PHEX: variants seen among roughly 807,000 people sequenced by gnomAD.
PHEX encodes the protein phosphate-regulating neutral endopeptidase PHEX.
Under a neutral mutation model 68.0 loss-of-function variants are expected in PHEX, and 16 were observed. The observed-to-expected ratio is 0.24, with a 90% confidence interval of 0.16 to 0.36. The LOEUF (loss-of-function observed/expected upper bound fraction) is 0.36. Among genes scored for constraint, PHEX ranks in the 10% least tolerant of loss-of-function variants. PHEX has a pLI of 1.00. For missense variants in PHEX, 480 were observed against 575.5 expected (o/e 0.83, Z 1.70); for synonymous variants, 208 against 205.1 (o/e 1.01, Z -0.12).
At chrX:22,164,319 GGAA>G (rs562787494) in intron 12 of PHEX, among the ~76,000 whole-genome samples, 4 of 111,993 alleles carry the variant, frequency 3.6e-5, no homozygotes, top group African/African-American at 1.3e-4. Flanking sequence ...GCATATTTTA[GGAA>G]GAAGAACACT....
intron 12 of PHEX, among the ~76,000 whole-genome samples, chrX:22,161,717 C>T (rs1372504270): frequency 8.9e-6 from 1 of 111,740 alleles, no homozygotes; most frequent in African/African-American, 3.3e-5. Context: ...CTCTCAGCTA[C>T]AAAACCTCTC....
chrX:22,081,679 G>A (rs1405041222), intron 5 of PHEX, among the ~76,000 whole-genome samples: 2 of 110,995 alleles, frequency 1.8e-5, no homozygotes, highest in Non-Finnish European at 3.8e-5. Flanking sequence ...GGCCAGCAGG[G>A]GTCGCTCTAA....
At chrX:22,157,502 A>T (rs905783035) in intron 12 of PHEX, among the ~76,000 whole-genome samples, 17 of 112,579 alleles carry the variant, frequency 1.5e-4, no homozygotes, top group African/African-American at 5.5e-4. Flanking sequence ...GAAAACTCAA[A>T]TATTACTTTC....
At chrX:22,064,288 TC>T (rs202035342) in intron 3 of PHEX, among the ~76,000 whole-genome samples, 4,700 of 111,045 alleles carry the variant, frequency 0.042, 261 homozygotes, top group African/African-American at 0.14. Context: ...TCTGAACCTC[TC>T]CCCTCTTCCC....
At chrX:22,224,947 A>AATTATCATACAGCTCTGTATGATTT (rs1935400053) in intron 18 of PHEX, among the ~76,000 whole-genome samples, 5 of 23,245 alleles carry the variant, frequency 2.2e-4, no homozygotes, top group African/African-American at 3.4e-4. Flanking sequence ...AAATAACATA[A>AATTATCATACAGCTCTGTATGATTT]ATTATCATAC....
At chrX:22,094,674 T>G (rs1290105273) in intron 7 of PHEX, among the ~76,000 whole-genome samples, 1 of 112,284 alleles carries the variant, frequency 8.9e-6, no homozygotes, top group Non-Finnish European at 1.9e-5. Flanking sequence ...CTGTTTTTCA[T>G]TATTTTCTTG....
At chrX:22,122,613 A>G (rs1254395213) in intron 11 of PHEX, among the ~76,000 whole-genome samples, 1 of 111,918 alleles carries the variant, frequency 8.9e-6, no homozygotes, top group Non-Finnish European at 1.9e-5. Context: ...GTAACAATCA[A>G]TCACAAAGCC....
chrX:22,040,748 G>T (rs1169574109), intron 2 of PHEX, among the ~76,000 whole-genome samples: 2 of 110,662 alleles, frequency 1.8e-5, no homozygotes, highest in Non-Finnish European at 3.8e-5. Flanking sequence ...AAGTGATGAG[G>T]AGTCAATGGG....
rs182362879 is a variant in PHEX, at chrX:22,136,982, C to T, written c.1404+3358C>T. Among the ~76,000 whole-genome samples the T allele has an allele frequency of 1.5e-4, 17 of 112,252 alleles. No individual in the cohort carries two copies. The East Asian group carries it at 3.6e-3, about 24-fold the overall frequency. ...TTTAGGATTCTCTGTTCCCTGCAAG[C>T]ATGTGCTCTTATTGTAAATAAGCAG... is the stretch of plus-strand genomic sequence containing the variant. On this transcript the variant is annotated intron_variant, in intron 12 of 21. Coordinates refer to ENST00000379374, the MANE Select transcript of PHEX (RefSeq NM_000444.6).
At chrX:22,141,772 A>G (rs1932474060) in intron 12 of PHEX, among the ~76,000 whole-genome samples, 1 of 112,369 alleles carries the variant, frequency 8.9e-6, no homozygotes, top group Admixed American at 9.5e-5. Context: ...GACAAAAAAA[A>G]GTTCTAGTTC....
intron 2 of PHEX, among the ~76,000 whole-genome samples, chrX:22,039,561 T>C (rs753947189): frequency 2.6e-4 from 29 of 112,173 alleles, no homozygotes; most frequent in Non-Finnish European, 5.1e-4. Flanking sequence ...GTGCAACTTA[T>C]GTTGAAAGTG....
At chrX:22,065,501 C>T (rs1469613417) in intron 3 of PHEX, among the ~76,000 whole-genome samples, 1 of 111,341 alleles carries the variant, frequency 9.0e-6, no homozygotes, top group Non-Finnish European at 1.9e-5. Context: ...TCTCGGCTCA[C>T]TGCAAGCTCC....
At chrX:22,118,249 C>T (rs1931321588) in intron 11 of PHEX, among the ~76,000 whole-genome samples, 1 of 94,764 alleles carries the variant, frequency 1.1e-5, no homozygotes, top group African/African-American at 4.1e-5. Context: ...ATTTGCCTAA[C>T]AAGGTTCCAG....
At chrX:22,036,729 A>G (rs1446609869) in intron 1 of PHEX, among the ~76,000 whole-genome samples, 1 of 94,317 alleles carries the variant, frequency 1.1e-5, no homozygotes, top group Non-Finnish European at 2.2e-5. Context: ...TTTTTTACAT[A>G]ACTTTTTTTT....
chrX:22,231,855 G>T (rs1433886676), intron 20 of PHEX, among the ~76,000 whole-genome samples: 1 of 111,863 alleles, frequency 8.9e-6, no homozygotes, highest in Non-Finnish European at 1.9e-5. Flanking sequence ...TTTTCATTGT[G>T]ATGTTAGGGT....
rs374496348 is a variant in PHEX, at chrX:22,210,942, A to G, written c.1646-1962A>G. ...CCTCATGTGTTCTGACATGGAGGAG[A>G]GAGAGAAAAAAAAAAGTTAAGAAGA... On this transcript the variant is annotated intron_variant, in intron 15 of 21. Coordinates refer to ENST00000379374, the MANE Select transcript of PHEX (RefSeq NM_000444.6). Among the ~76,000 whole-genome samples, 4 of 107,979 alleles carry G rather than the reference A, an allele frequency of 3.7e-5. No individual in the cohort carries two copies. In the East Asian group the frequency reaches 1.1e-3, roughly 30 times the overall value. The allele number at this position is 107,979 out of a possible 115,157, so 93.8% of individuals were successfully genotyped here. A position where few individuals can be genotyped will look rare whatever the true frequency, so the allele number is the denominator to read the frequency against.
chrX:22,234,442 G>GC (rs1935889163), intron 20 of PHEX, among the ~76,000 whole-genome samples: 1 of 110,092 alleles, frequency 9.1e-6, no homozygotes, highest in Non-Finnish European at 1.9e-5. Flanking sequence ...TGGGGCTGTT[G>GC]CCTTTTTTTT....
At chrX:22,185,354 C>A (rs773892939) in intron 14 of PHEX, among the ~76,000 whole-genome samples, 5 of 112,292 alleles carry the variant, frequency 4.5e-5, no homozygotes, top group Admixed American at 2.8e-4. Context: ...ATTTGGACAA[C>A]AGTCAAAGCC....
chrX:22,047,845 A>G (rs913567005), intron 3 of PHEX, among the ~76,000 whole-genome samples: 3 of 111,876 alleles, frequency 2.7e-5, no homozygotes, highest in African/African-American at 9.7e-5. Context: ...TTCTGTTAGC[A>G]TTGGATCTAA....
Sources: gnomAD v4.1 joint callset for allele counts (sites outside exome capture counted in the v4.1 genomes callset) on GRCh38, gnomAD v4.1.1 for gene constraint, MANE v1.5 for transcripts, NCBI Gene and HGNC (gene_info 2026-07-23, HGNC 2026-07-21) for gene names.